Variants in HEMK2 observed in about 807,000 individuals in gnomAD.
HEMK2 encodes the protein methyltransferase HEMK2.
chr21:28,744,570 T>C, the HEMK2 span, among the ~76,000 whole-genome samples: 11 of 152,302 alleles, frequency 7.2e-5, no homozygotes, highest in East Asian at 2.1e-3. Context: ...TGTTTCATAG[T>C]AGCAAAGGAT....
chr21:28,758,084 T>C, the HEMK2 span, among the ~76,000 whole-genome samples: 1 of 152,196 alleles, frequency 6.6e-6, no homozygotes, highest in South Asian at 2.1e-4. Context: ...CTCTTAGCCA[T>C]ATGGAAGAGT....
the HEMK2 span, among the ~76,000 whole-genome samples, chr21:28,644,410 G>C: frequency 4.5e-4 from 69 of 152,116 alleles, no homozygotes; most frequent in African/African-American, 1.6e-3. Flanking sequence ...ATTTTGGGTG[G>C]GGACACAGCA....
At chr21:28,612,446 A>G in the HEMK2 span, among the ~76,000 whole-genome samples, 15,981 of 152,082 alleles carry the variant, frequency 0.11, 1,391 homozygotes, top group African/African-American at 0.23. Context: ...GGTAATAAAC[A>G]CCATCTATGA....
the HEMK2 span, among the ~76,000 whole-genome samples, chr21:28,830,865 A>C: frequency 1.3e-5 from 2 of 149,224 alleles, no homozygotes; most frequent in Non-Finnish European, 3.0e-5. Flanking sequence ...TGACAGAGCA[A>C]GACTCCATCT....
At chr21:28,878,371 A>G in the HEMK2 span, 5 of 1,608,042 alleles carry the variant, frequency 3.1e-6, no homozygotes, top group Non-Finnish European at 3.4e-6. Flanking sequence ...TTTTAACTCA[A>G]GTTTGATTTA....
chr21:28,597,545 A>G, the HEMK2 span, among the ~76,000 whole-genome samples: 7 of 152,220 alleles, frequency 4.6e-5, no homozygotes, highest in African/African-American at 1.7e-4. Flanking sequence ...GGACCCAGTT[A>G]GGTTTCTGTC....
At chr21:28,707,854 C>T in the HEMK2 span, among the ~76,000 whole-genome samples, 2,973 of 152,024 alleles carry the variant, frequency 0.02, 82 homozygotes, top group African/African-American at 0.068. Flanking sequence ...CACTGTACAC[C>T]TTGAATATAT....
the HEMK2 span, among the ~76,000 whole-genome samples, chr21:28,820,740 C>T: frequency 6.6e-6 from 1 of 152,172 alleles, no homozygotes; most frequent in South Asian, 2.1e-4. Flanking sequence ...TTCACCCATA[C>T]AAAAAGTGTG....
chr21:28,790,477 A>G, the HEMK2 span, among the ~76,000 whole-genome samples: 2 of 152,158 alleles, frequency 1.3e-5, no homozygotes, highest in East Asian at 1.9e-4. Flanking sequence ...TGTTTTGGAC[A>G]TTGTTTGACT....
At chr21:28,658,343 G>A in the HEMK2 span, among the ~76,000 whole-genome samples, 3 of 152,054 alleles carry the variant, frequency 2.0e-5, no homozygotes, top group African/African-American at 7.2e-5. Flanking sequence ...CAATAGAGTG[G>A]GAAAGTTGGC....
At chr21:28,742,901 G>A in the HEMK2 span, among the ~76,000 whole-genome samples, 1 of 152,098 alleles carries the variant, frequency 6.6e-6, no homozygotes, top group Admixed American at 6.5e-5. Flanking sequence ...TGTGGTCACG[G>A]TCTTCTGTCT....
At chr21:28,879,552 T>C in the HEMK2 span, among the ~76,000 whole-genome samples, 3 of 152,218 alleles carry the variant, frequency 2.0e-5, no homozygotes, top group Non-Finnish European at 4.4e-5. Context: ...TTAAAACCTT[T>C]TGTTTTGCAA....
the HEMK2 span, among the ~76,000 whole-genome samples, chr21:28,586,823 G>C: frequency 6.6e-6 from 1 of 152,084 alleles, no homozygotes; most frequent in Non-Finnish European, 1.5e-5. Context: ...TCTTCTCACA[G>C]GGGGGTAATG....
At chr21:28,766,974 T>C in the HEMK2 span, among the ~76,000 whole-genome samples, 45 of 152,172 alleles carry the variant, frequency 3.0e-4, no homozygotes, top group African/African-American at 9.6e-4. Context: ...TGATACGGTT[T>C]GGCTGTGACC....
chr21:28,703,224 C>T, the HEMK2 span, among the ~76,000 whole-genome samples: 1 of 152,004 alleles, frequency 6.6e-6, no homozygotes, highest in Admixed American at 6.6e-5. Context: ...GTGCTTATTA[C>T]TTGGCTGGTG....
At chr21:28,624,738 T>C in the HEMK2 span, among the ~76,000 whole-genome samples, 24 of 152,138 alleles carry the variant, frequency 1.6e-4, no homozygotes, top group African/African-American at 5.6e-4. Context: ...CAGAGAGGAC[T>C]AGGAACACTA....
the HEMK2 span, among the ~76,000 whole-genome samples, chr21:28,690,224 C>T: frequency 0.56 from 84,608 of 152,080 alleles, 26,204 homozygotes; most frequent in East Asian, 0.84. Flanking sequence ...GGGATTATTA[C>T]AATTCAAGGT....
At chr21:28,803,285 A>G in the HEMK2 span, among the ~76,000 whole-genome samples, 1 of 152,222 alleles carries the variant, frequency 6.6e-6, no homozygotes, top group Non-Finnish European at 1.5e-5. Context: ...ATTAACATAC[A>G]CATCCTAAAA....
At chr21:28,604,558 T>C in the HEMK2 span, among the ~76,000 whole-genome samples, 5 of 151,706 alleles carry the variant, frequency 3.3e-5, no homozygotes, top group East Asian at 1.9e-4. Flanking sequence ...TGGGTGAAGA[T>C]AGAAATGTCT....
Sources: allele counts gnomAD v4.1 joint callset (sites outside exome capture counted in the v4.1 genomes callset), GRCh38; gene constraint gnomAD v4.1.1; transcripts MANE v1.5; gene names NCBI Gene and HGNC (gene_info 2026-07-23, HGNC 2026-07-21).